Variants in ZFYVE26 observed in about 807,000 individuals in gnomAD.
The protein encoded by ZFYVE26 is zinc finger FYVE-type containing 26, also known as zinc finger FYVE domain-containing protein 26.
A neutral mutation model predicts 276.5 loss-of-function variants in ZFYVE26; 181 were observed. The ratio of observed to expected loss-of-function variants is 0.65; its 90% confidence interval spans 0.58 to 0.74. The LOEUF is 0.74. Among genes scored for constraint, ZFYVE26 ranks in the 30% least tolerant of loss-of-function variants. The pLI, the probability that ZFYVE26 is intolerant of heterozygous loss-of-function variation, is 0.00. For synonymous variants in ZFYVE26, 1,129 were observed against 1,203.1 expected (o/e 0.94, Z 1.27); for missense variants, 2,821 against 3,097.9 (o/e 0.91, Z 2.12).
intron 36 of ZFYVE26, 31 bp downstream of exon 36, chr14:67,755,915 CAG>C (rs1267240551): frequency 1.2e-6 from 2 of 1,613,004 alleles, no homozygotes; most frequent in Admixed American, 3.3e-5. Context: ...GCACCAGCAA[CAG>C]AGGTAGAAGG....
chr14:67,778,343 G>C, intron 23 of ZFYVE26, 95 bp from the exon 24 acceptor site: 1 of 1,509,598 alleles, frequency 6.6e-7, no homozygotes, highest in Non-Finnish European at 9.2e-7. Flanking sequence ...ATGTTTATAA[G>C]TGCTGATGGG....
chr14:67,790,684 G>A lies in ZFYVE26; in HGVS notation c.2643C>T (p.Ala881=). 6.2e-7 allele frequency: 1 copy of A among 1,614,172 alleles called. No homozygotes were observed. The highest frequency in any genetic ancestry group is 1.1e-5 in the South Asian group (1 of 91,080). The change falls in exon 15 of 42, where the codon GCC becomes GCT. Residue 881 remains alanine (A), a synonymous_variant. Transcript: ENST00000347230. The part of the protein sequence containing the change: ...ERYQEVIQEL[A]QVEHKIENQN... Reference sequence around the variant, plus strand: ...GGTTTTCAATCTTGTGCTCTACTTGGGCCAGTTCTTGGATCACTTCCTGGT... The same window carrying A: ...GGTTTTCAATCTTGTGCTCTACTTGAGCCAGTTCTTGGATCACTTCCTGGT...
chr14:67,769,714 T>C lies in ZFYVE26; in HGVS notation c.5501A>G (p.His1834Arg), dbSNP rs2039155232. 2 of 1,613,900 alleles carry C rather than the reference T, an allele frequency of 1.2e-6. No individual in the cohort carries two copies. Among genetic ancestry groups the C allele is most frequent in the Admixed American group, 1.7e-5 (1 of 59,998 alleles). Residue 1834 changes from histidine to arginine, a missense_variant, in exon 29 of 42, where the codon CAT (histidine) becomes CGT (arginine). Coordinates refer to ENST00000347230, the MANE Select transcript of ZFYVE26 (RefSeq NM_015346.4). ...EHFTMFNRRH[H>R]CRRCGRLVCS... The stretch of plus-strand genomic sequence containing the variant: ...CACTAGCCGGCCACAGCGGCGACAA[T>C]GATGACGCCTGTTAAACTGAGGAAT...
chr14:67,729,519 C>T lies in ZFYVE26; in HGVS notation n.2980G>A, dbSNP rs796264824. ...TGGGTTGGGCCTGCAAACAGAATGC[C>T]GTTGCTTTGTTAAGGAAACTTACAG... is the stretch of plus-strand genomic sequence containing the variant. On this transcript the variant is annotated non_coding_transcript_exon_variant, in exon 14 of 15. Transcript: ENST00000394455. 12 of 808,758 alleles carry T rather than the reference C, an allele frequency of 1.5e-5. No individual in the cohort carries two copies. The African/African-American group carries it at 1.7e-4, about 11-fold the overall frequency. The allele number at this position is 808,758 out of a possible 1,614,324, so 50.1% of individuals were successfully genotyped here. A position where few individuals can be genotyped will look rare whatever the true frequency, so the allele number is the denominator to read the frequency against.
At chr14:67,790,920 A>G (rs1391540274) in intron 14 of ZFYVE26, 147 bp from the exon 15 acceptor site, 7 of 736,922 alleles carry the variant, frequency 9.5e-6, no homozygotes, top group Non-Finnish European at 1.7e-5. Flanking sequence ...ATGTTAGAAG[A>G]GCAGGTCAAC....
intron 3 of ZFYVE26, among the ~76,000 whole-genome samples, chr14:67,809,618 T>C (rs918173554): frequency 2.6e-5 from 4 of 151,578 alleles, no homozygotes; most frequent in Admixed American, 1.3e-4. Context: ...AGACAGGGTG[T>C]CACCATTTGG....
rs1022248554 is a variant in ZFYVE26 at position 67,774,988 on chromosome 14, T to A, written c.5320+28A>T. Reference sequence around the variant, plus strand: ...TAAGGCAAGACTAAACTGAAAAATTTTAGTGAATCATCAGAGCCAGTTCTT... The same window carrying A: ...TAAGGCAAGACTAAACTGAAAAATTATAGTGAATCATCAGAGCCAGTTCTT... On this transcript the variant is annotated intron_variant, in intron 27 of 41. Coordinates refer to ENST00000347230, the MANE Select transcript of ZFYVE26 (RefSeq NM_015346.4). 4 of 1,553,000 alleles carry A rather than the reference T, an allele frequency of 2.6e-6. No homozygotes were observed. The African/African-American group carries it at 5.4e-5, about 21-fold the overall frequency.
intron 35 of ZFYVE26, 158 bp from the exon 36 acceptor site, chr14:67,756,303 T>C (rs1237917023): frequency 1.3e-6 from 1 of 794,652 alleles, no homozygotes; most frequent in Admixed American, 2.0e-5. Context: ...GAGAATCTCA[T>C]TCTAGCGACT....
At chr14:67,729,923 C>T (rs1174643550) in intron 13 of ZFYVE26, 2 of 418,464 alleles carry the variant, frequency 4.8e-6, no homozygotes, top group Non-Finnish European at 9.5e-6. Flanking sequence ...AAATCTCTTT[C>T]CCATTCCATG....
At chr14:67,764,976 A>G (rs1280536981) in intron 32 of ZFYVE26, among the ~76,000 whole-genome samples, 2 of 152,008 alleles carry the variant, frequency 1.3e-5, no homozygotes. Context: ...GATATATTTG[A>G]ATATATTTTT....
intron 13 of ZFYVE26, among the ~76,000 whole-genome samples, chr14:67,739,154 C>T (rs907622950): frequency 6.6e-6 from 1 of 152,280 alleles, no homozygotes; most frequent in South Asian, 2.1e-4. Flanking sequence ...GAAAGGCTTC[C>T]TCATTGGTTA....
Position 67,806,621 on chromosome 14 carries a change from G to C in ZFYVE26, c.941C>G (p.Pro314Arg). The C allele has an allele frequency of 6.2e-7, 1 of 1,614,192 alleles. No individual in the cohort carries two copies. Among genetic ancestry groups the C allele is most frequent in the Non-Finnish European group, 8.5e-7 (1 of 1,180,024 alleles). The change falls in exon 6 of 42, where the codon CCC (proline) becomes CGC (arginine). Residue 314 changes from proline to arginine, a missense_variant. Physicochemically the swap from Pro to Arg is moderately radical, Grantham distance 103. Coordinates refer to ENST00000347230, the MANE Select transcript of ZFYVE26 (RefSeq NM_015346.4). ...CACTTTCCAAGCCTCGGCTGGGTTGGGATTGGAGAACAGGGCTAGCATTGC... is the reference window on the plus strand; with the variant it reads ...CACTTTCCAAGCCTCGGCTGGGTTGCGATTGGAGAACAGGGCTAGCATTGC... ...ERAMLALFSN[P>R]NPAEAWKVAY...
chr14:67,751,628 C>A (rs1330650940), intron 40 of ZFYVE26: 1 of 192,314 alleles, frequency 5.2e-6, no homozygotes, highest in Non-Finnish European at 1.1e-5. Flanking sequence ...AATCCCAGCA[C>A]TTTGGGAGGC....
At chr14:67,743,222 T>C (rs1219383436), downstream of ZFYVE26, among the ~76,000 whole-genome samples, 1 of 152,090 alleles carries the variant, frequency 6.6e-6, no homozygotes, top group African/African-American at 2.4e-5. Flanking sequence ...GTGTGGTGGC[T>C]CACACCTGTA....
intron 38 of ZFYVE26, 129 bp downstream of exon 38, chr14:67,753,942 G>C: frequency 4.6e-6 from 7 of 1,535,630 alleles, no homozygotes; most frequent in Non-Finnish European, 6.3e-6. Flanking sequence ...CCAGTCTTTG[G>C]TGGCTCATAT....
chr14:67,746,311 G>A (rs1024932510), downstream of ZFYVE26, among the ~76,000 whole-genome samples: 7 of 145,676 alleles, frequency 4.8e-5, no homozygotes, highest in African/African-American at 1.6e-4. Flanking sequence ...AAAAAAAAAA[G>A]TTTTCTGGTG....
Position 67,781,527 on chromosome 14 carries a change from T to C in ZFYVE26, c.4375A>G (p.Lys1459Glu), listed in dbSNP as rs1311896348. ...GGAAACAGGTATTGCCAACCTTCTT[T>C]GTCTATAAGACAAAAAAGATGCTCA... ...AVLSCAVACD[K>E]EGWQYLFPVK... The change falls in exon 22 of 42, where the codon AAA (lysine) becomes GAA (glutamate). Residue 1459 changes from lysine (K) to glutamate (E), a missense_variant and splice_region_variant. Lys to Glu is a moderately conservative substitution (Grantham distance 56). Coordinates refer to ENST00000347230, the MANE Select transcript of ZFYVE26 (RefSeq NM_015346.4). 2 of 1,613,964 alleles carry C rather than the reference T, an allele frequency of 1.2e-6. No individual in the cohort carries two copies. Among genetic ancestry groups the C allele is most frequent in the African/African-American group, 2.7e-5 (2 of 74,930 alleles).
At chr14:67,797,649 T>C (rs536523125) in intron 12 of ZFYVE26, 23 bp downstream of exon 12, 2 of 1,613,178 alleles carry the variant, frequency 1.2e-6, no homozygotes, top group African/African-American at 1.3e-5. Context: ...GCCTAGTGCA[T>C]GGGAATGAGC....
intron 10 of ZFYVE26, chr14:67,798,866 G>A (rs1026936009): frequency 4.4e-5 from 38 of 859,664 alleles, no homozygotes; most frequent in Middle Eastern, 3.5e-4. Flanking sequence ...GAGGCCAACC[G>A]GGCCTCCCCA....
Sources: allele counts gnomAD v4.1 joint callset (sites outside exome capture counted in the v4.1 genomes callset), GRCh38; gene constraint gnomAD v4.1.1; transcripts MANE v1.5; gene names NCBI Gene and HGNC (gene_info 2026-07-23, HGNC 2026-07-21).